The following RALGAPA1 variants were observed in gnomAD, a reference collection of about 807,000 sequenced individuals.
The protein encoded by RALGAPA1 is Ral GTPase activating protein catalytic subunit alpha 1, also known as ral GTPase-activating protein subunit alpha-1.
In RALGAPA1, 52 loss-of-function variants were observed where a neutral mutation model predicts 269.6. The observed-to-expected ratio is 0.19, with a 90% CI of 0.15 to 0.24. The LOEUF (loss-of-function observed/expected upper bound fraction) is 0.24, where lower values mean the gene tolerates loss of function less well. Ranked by LOEUF, RALGAPA1 falls within the 10% of genes least tolerant of loss-of-function variation. The probability of loss-of-function intolerance (pLI) is 1.00; values close to 1 mark genes in which losing one functional copy is unlikely to be tolerated. For synonymous variants in RALGAPA1, 817 were observed against 1,008.3 expected, an observed-to-expected ratio of 0.81 and a Z score of 3.60; for missense variants, 1,917 against 3,013.9, an observed-to-expected ratio of 0.64 and a Z score of 8.52.
intron 1 of RALGAPA1, among the ~76,000 whole-genome samples, chr14:35,777,658 G>A (rs1009401163): frequency 7.9e-5 from 12 of 152,104 alleles, no homozygotes; most frequent in African/African-American, 2.2e-4. Flanking sequence ...CACCTCCAGG[G>A]TTCAAGCGAT....
chr14:35,720,829 G>C (rs1431876460), intron 16 of RALGAPA1, among the ~76,000 whole-genome samples: 1 of 152,160 alleles, frequency 6.6e-6, no homozygotes, highest in Non-Finnish European at 1.5e-5. Flanking sequence ...GAGGCTCAGG[G>C]GAGGCTGAGG....
intron 36 of RALGAPA1, among the ~76,000 whole-genome samples, chr14:35,599,013 CTA>C (rs2059105868): frequency 6.6e-6 from 1 of 152,104 alleles, no homozygotes. Context: ...AGTGGTTGCT[CTA>C]TGTCTTACAT....
intron 35 of RALGAPA1, among the ~76,000 whole-genome samples, chr14:35,608,690 A>G (rs1396841318): frequency 6.6e-6 from 1 of 152,242 alleles, no homozygotes; most frequent in Admixed American, 6.5e-5. Flanking sequence ...CCCAAAATAC[A>G]TGATGCAAAA....
chr14:35,797,762 T>C (rs2076683537), intron 1 of RALGAPA1, among the ~76,000 whole-genome samples: 1 of 151,270 alleles, frequency 6.6e-6, no homozygotes, highest in African/African-American at 2.4e-5. Context: ...GGAGAATTGC[T>C]TGAACCCGGG....
intron 11 of RALGAPA1, among the ~76,000 whole-genome samples, chr14:35,742,130 T>C (rs1164150118): frequency 2.0e-5 from 3 of 152,222 alleles, no homozygotes; most frequent in African/African-American, 7.2e-5. Flanking sequence ...ATCTAGACAA[T>C]GGCTTAAAGA....
chr14:35,795,367 T>A (rs1244400206), intron 1 of RALGAPA1, among the ~76,000 whole-genome samples: 1 of 150,330 alleles, frequency 6.7e-6, no homozygotes, highest in Non-Finnish European at 1.5e-5. Flanking sequence ...CTAGAGAGGG[T>A]CCCCTTTAAG....
intron 12 of RALGAPA1, 69 bp downstream of exon 12, chr14:35,738,444 A>G (rs941063716): frequency 8.4e-7 from 1 of 1,188,226 alleles, no homozygotes; most frequent in Non-Finnish European, 1.1e-6. Context: ...AGTATACTGT[A>G]TACTGAAATA....
intron 39 of RALGAPA1, among the ~76,000 whole-genome samples, chr14:35,559,128 A>G (rs2055911644): frequency 2.0e-5 from 3 of 152,204 alleles, no homozygotes; most frequent in Admixed American, 2.0e-4. Flanking sequence ...TAAGATTTAA[A>G]TAGGCTCTAT....
intron 37 of RALGAPA1, among the ~76,000 whole-genome samples, chr14:35,576,218 C>G (rs1224605243): frequency 1.3e-5 from 2 of 152,170 alleles, no homozygotes; most frequent in Non-Finnish European, 2.9e-5. Flanking sequence ...TACAGCAAAC[C>G]CACAGTGGGG....
At chr14:35,549,019 T>C in intron 40 of RALGAPA1, 91 bp downstream of exon 40, 1 of 1,391,400 alleles carries the variant, frequency 7.2e-7, no homozygotes, top group Non-Finnish European at 9.9e-7. Context: ...ATTTCAATGA[T>C]TAGAATTTTT....
chr14:35,724,562 A>T (rs941246612), intron 14 of RALGAPA1, among the ~76,000 whole-genome samples: 14 of 152,020 alleles, frequency 9.2e-5, no homozygotes, highest in African/African-American at 2.7e-4. Context: ...AAGTCTTATT[A>T]AAAAAAAGCA....
intron 35 of RALGAPA1, among the ~76,000 whole-genome samples, chr14:35,619,680 C>T (rs1432788756): frequency 6.6e-6 from 1 of 152,080 alleles, no homozygotes; most frequent in Non-Finnish European, 1.5e-5. Context: ...ACCACCAATC[C>T]CACAGAAGTA....
At chr14:35,696,071 C>T (rs1009500566) in intron 17 of RALGAPA1, among the ~76,000 whole-genome samples, 4 of 152,104 alleles carry the variant, frequency 2.6e-5, no homozygotes, top group African/African-American at 7.2e-5. Context: ...TGCTAATGCC[C>T]ACAAACTGGT....
At chr14:35,792,837 AAGAAAGAT>A (rs1189322737) in intron 1 of RALGAPA1, among the ~76,000 whole-genome samples, 2 of 140,684 alleles carry the variant, frequency 1.4e-5, no homozygotes, top group South Asian at 2.3e-4. Context: ...GAAAGAAAGA[AAGAAAGAT>A]AGATTGTGAC....
intron 12 of RALGAPA1, among the ~76,000 whole-genome samples, chr14:35,729,122 T>C (rs1324589665): frequency 6.6e-6 from 1 of 152,168 alleles, no homozygotes; most frequent in Non-Finnish European, 1.5e-5. Flanking sequence ...TAGTTTAGAA[T>C]AAAAGATGAC....
At chr14:35,742,697 C>G (rs2071675246) in intron 10 of RALGAPA1, 132 bp from the exon 11 acceptor site, 1 of 623,400 alleles carries the variant, frequency 1.6e-6, no homozygotes, top group African/African-American at 1.9e-5. Flanking sequence ...TGACATAAAA[C>G]AAAACTCATT....
chr14:35,727,170 A>C (rs1414897806), intron 13 of RALGAPA1, among the ~76,000 whole-genome samples: 1 of 151,690 alleles, frequency 6.6e-6, no homozygotes, highest in Non-Finnish European at 1.5e-5. Context: ...ACTTAGTCAA[A>C]GCATATACCT....
At chr14:35,744,409 AT>A (rs199815472) in intron 10 of RALGAPA1, among the ~76,000 whole-genome samples, 2 of 151,018 alleles carry the variant, frequency 1.3e-5, no homozygotes, top group East Asian at 3.9e-4. Flanking sequence ...TTTACTTTTT[AT>A]TTTTTTATGA....
intron 21 of RALGAPA1, among the ~76,000 whole-genome samples, chr14:35,679,646 C>T (rs910249111): frequency 1.3e-5 from 2 of 152,148 alleles, no homozygotes; most frequent in African/African-American, 4.8e-5. Context: ...GCTTTCACAC[C>T]ACTGTAAAGT....
Sources: allele counts gnomAD v4.1 joint callset (sites outside exome capture counted in the v4.1 genomes callset), GRCh38; gene constraint gnomAD v4.1.1; transcripts MANE v1.5; gene names NCBI Gene and HGNC (gene_info 2026-07-23, HGNC 2026-07-21).